FHL1: variants seen among roughly 807,000 people sequenced by gnomAD.
The protein encoded by FHL1 is four and a half LIM domains 1.
Under a neutral mutation model 20.3 loss-of-function variants are expected in FHL1, and 1 was observed. The observed-to-expected ratio is 0.05, with a 90% confidence interval of 0.02 to 0.23. The LOEUF is 0.23. Ranked by LOEUF, FHL1 falls within the 10% of genes least tolerant of loss-of-function variation. FHL1 has a pLI of 1.00. For synonymous variants in FHL1, 82 were observed against 88.9 expected, an observed-to-expected ratio of 0.92 and a Z score of 0.44; for missense variants, 177 against 234.0, an observed-to-expected ratio of 0.76 and a Z score of 1.59.
intron 2 of FHL1, among the ~76,000 whole-genome samples, chrX:136,190,505 CCT>C (rs1303879446): frequency 1.8e-5 from 2 of 111,620 alleles, no homozygotes; most frequent in Admixed American, 1.9e-4. Flanking sequence ...AATCAGGCGG[CCT>C]CTCGAACCAG....
At chrX:136,168,897 T>C (rs769355386), upstream of FHL1, among the ~76,000 whole-genome samples, 1 of 111,614 alleles carries the variant, frequency 9.0e-6, no homozygotes, top group South Asian at 3.8e-4. Flanking sequence ...CTGGTTGTAA[T>C]CCTTGGTTTA....
intron 3 of FHL1, 138 bp from the exon 4 acceptor site, chrX:136,207,654 A>T: frequency 1.6e-6 from 1 of 619,446 alleles, no homozygotes; most frequent in Non-Finnish European, 2.6e-6. Flanking sequence ...GAACACAGGT[A>T]GGTTAGTTGG....
chrX:136,195,547 A>G (rs1226939203), upstream of FHL1, among the ~76,000 whole-genome samples: 1 of 111,843 alleles, frequency 8.9e-6, no homozygotes, highest in Non-Finnish European at 1.9e-5. Flanking sequence ...TCCCAGGCTT[A>G]TTTTTTTCCT....
At position 136,206,402 on chromosome X, in the gene FHL1, C is replaced by G; in HGVS notation, c.23-5C>G. 1.7e-6 allele frequency: 2 copies of G among 1,211,762 alleles called. No individual in the cohort carries two copies. The highest frequency in any genetic ancestry group is 1.1e-6 in the Non-Finnish European group (1 of 895,478). On this transcript the variant is annotated splice_region_variant and splice_polypyrimidine_tract_variant and intron_variant, in intron 1 of 5. Coordinates refer to ENST00000370683, the MANE Select transcript of FHL1 (RefSeq NM_001159699.2). ...GTCATTTGTCCTGTCTGCTTGCCCC[C>G]GCAGGTCCCTCCAGCTACAAGGTGG...
At chrX:136,194,846 G>A (rs1046082267), upstream of FHL1, among the ~76,000 whole-genome samples, 3 of 111,625 alleles carry the variant, frequency 2.7e-5, no homozygotes, top group Non-Finnish European at 3.8e-5. Context: ...TCTTGGTTTT[G>A]TGGAAGGTCT....
intron 2 of FHL1, among the ~76,000 whole-genome samples, chrX:136,179,018 A>G (rs1049033387): frequency 8.9e-5 from 10 of 111,760 alleles, no homozygotes; most frequent in Admixed American, 6.6e-4. Context: ...TGGACTCCCA[A>G]AGTGCTGGGA....
chrX:136,165,141 A>T, upstream of FHL1, among the ~76,000 whole-genome samples: 1 of 112,148 alleles, frequency 8.9e-6, no homozygotes, highest in East Asian at 2.8e-4. Flanking sequence ...GGACTTTATT[A>T]TATTTCTATA....
At chrX:136,169,777 G>C (rs1326413228) in intron 1 of FHL1, 1 of 331,027 alleles carries the variant, frequency 3.0e-6, no homozygotes, top group Admixed American at 3.1e-5. Flanking sequence ...TCTAAGGGTT[G>C]TAAATACAAA....
At chrX:136,204,684 A>G (rs1172409362) in intron 1 of FHL1, 1 of 112,270 alleles carries the variant, frequency 8.9e-6, no homozygotes, top group Non-Finnish European at 1.9e-5. Context: ...GTGTGTCAGC[A>G]GGAGGCAGAA....
intron 1 of FHL1, among the ~76,000 whole-genome samples, chrX:136,157,980 A>G (rs2072466222): frequency 8.9e-6 from 1 of 112,304 alleles, no homozygotes; most frequent in African/African-American, 3.2e-5. Context: ...GAACCAGAGA[A>G]GTAAAATTTG....
intron 2 of FHL1, among the ~76,000 whole-genome samples, chrX:136,174,794 T>G (rs1418328436): frequency 9.0e-6 from 1 of 111,725 alleles, no homozygotes; most frequent in Admixed American, 9.5e-5. Context: ...AAGCTAGATA[T>G]GCTCAGGAAT....
At chrX:136,209,780 T>C (rs951898374) in intron 5 of FHL1, 91 bp from the exon 6 acceptor site, 5 of 1,052,739 alleles carry the variant, frequency 4.7e-6, no homozygotes, top group African/African-American at 3.7e-5. Context: ...GGGCAGGTCG[T>C]CATTTTATCT....
At chrX:136,181,120 A>T (rs1473397006) in intron 2 of FHL1, among the ~76,000 whole-genome samples, 6 of 112,361 alleles carry the variant, frequency 5.3e-5, no homozygotes, top group African/African-American at 1.9e-4. Context: ...TCTGTCATCC[A>T]TCAAAGTCGG....
chrX:136,158,405 T>C (rs763850730), intron 1 of FHL1, among the ~76,000 whole-genome samples: 77 of 112,047 alleles, frequency 6.9e-4, no homozygotes, highest in Non-Finnish European at 1.2e-3. Flanking sequence ...GTTCTGTTGC[T>C]ATTACTTCGG....
intron 1 of FHL1, among the ~76,000 whole-genome samples, chrX:136,154,050 C>A (rs1331734970): frequency 8.9e-6 from 1 of 111,854 alleles, no homozygotes; most frequent in Non-Finnish European, 1.9e-5. Flanking sequence ...AGTACCCACC[C>A]CCCATTATTT....
rs367711693 is a variant in FHL1, at chrX:136,179,432, C to T, written c.-27+9452C>T. Among the ~76,000 whole-genome samples the T allele has an allele frequency of 7.2e-5, 8 of 111,646 alleles. No homozygotes were observed. In the East Asian group the frequency reaches 1.1e-3, roughly 16 times the overall value. On this transcript the variant is annotated intron_variant, in intron 2 of 6. Transcript: ENST00000394153. ...ATAGGATCTTGACCTGACTTTTGGT[C>T]CTCTCGTGGGTGTTTTCCATTTTCC... is the stretch of plus-strand genomic sequence containing the variant.
chrX:136,149,688 A>G (rs959533952), intron 1 of FHL1, among the ~76,000 whole-genome samples: 3 of 111,932 alleles, frequency 2.7e-5, no homozygotes, highest in Non-Finnish European at 5.6e-5. Context: ...AAAATTGTGT[A>G]AGATTTAAAT....
intron 2 of FHL1, among the ~76,000 whole-genome samples, chrX:136,190,435 A>G (rs1208631470): frequency 8.9e-6 from 1 of 111,891 alleles, no homozygotes; most frequent in African/African-American, 3.3e-5. Context: ...AAGTTTATCC[A>G]TAAACTTTGT....
At chrX:136,208,718 G>T (rs1178949748) in intron 5 of FHL1, 77 bp downstream of exon 5, 8 of 1,005,400 alleles carry the variant, frequency 8.0e-6, no homozygotes, top group Non-Finnish European at 1.1e-5. Context: ...TCCTGTCGTC[G>T]GTTTCATCCA....
Sources: gnomAD v4.1 joint callset for allele counts (sites outside exome capture counted in the v4.1 genomes callset) on GRCh38, gnomAD v4.1.1 for gene constraint, MANE v1.5 for transcripts, NCBI Gene and HGNC (gene_info 2026-07-23, HGNC 2026-07-21) for gene names.